The following CNTNAP2 variants were observed in gnomAD, a reference collection of about 807,000 sequenced individuals.
CNTNAP2 encodes the protein contactin-associated protein-like 2.
CNTNAP2 carries 98 observed loss-of-function variants against 155.2 expected under a neutral mutation model. The observed-to-expected ratio is 0.63, with a 90% confidence interval of 0.54 to 0.75. The LOEUF (loss-of-function observed/expected upper bound fraction) is 0.75. CNTNAP2 is among the 30% of genes least tolerant of loss of function. The probability of loss-of-function intolerance (pLI) is 0.00; values close to 1 mark genes in which losing one functional copy is unlikely to be tolerated. For synonymous variants in CNTNAP2, 651 were observed against 631.2 expected, an observed-to-expected ratio of 1.03 and a Z score of -0.47; for missense variants, 1,727 against 1,688.1, an observed-to-expected ratio of 1.02 and a Z score of -0.40.
intron 3 of CNTNAP2, among the ~76,000 whole-genome samples, chr7:146,854,268 G>C (rs1794934319): frequency 6.6e-6 from 1 of 152,234 alleles, no homozygotes; most frequent in Non-Finnish European, 1.5e-5. Context: ...ATGGCTAGAA[G>C]AGGATACAAA....
Position 146,578,536 on chromosome 7 carries a change from G to T in CNTNAP2, c.98-195735G>T, listed in dbSNP as rs147466608. Among the ~76,000 whole-genome samples, 721 of 152,044 alleles carry T rather than the reference G, an allele frequency of 4.7e-3. 2 individuals carry two copies. The highest frequency in any genetic ancestry group is 7.8e-3 in the Non-Finnish European group (527 of 67,952). ...TAGATTGTGCTATTTTGAAAAGAAG[G>T]GATTCCGTAAGAGGTTACAGTACAT... On this transcript the variant is annotated intron_variant, in intron 1 of 23. Coordinates refer to ENST00000361727, the MANE Select transcript of CNTNAP2 (RefSeq NM_014141.6).
chr7:147,199,203 G>T (rs1379134743), intron 8 of CNTNAP2, among the ~76,000 whole-genome samples: 1 of 151,636 alleles, frequency 6.6e-6, no homozygotes, highest in Non-Finnish European at 1.5e-5. Flanking sequence ...CTCAGGTAAT[G>T]CACCCGCCTT....
At chr7:146,759,828 A>G (rs1259163505) in intron 1 of CNTNAP2, among the ~76,000 whole-genome samples, 2 of 152,142 alleles carry the variant, frequency 1.3e-5, no homozygotes, top group African/African-American at 2.4e-5. Context: ...AAAGGTTCGC[A>G]GTTACCATAA....
intron 3 of CNTNAP2, among the ~76,000 whole-genome samples, chr7:146,982,522 C>T (rs1404335731): frequency 1.3e-5 from 2 of 152,052 alleles, no homozygotes; most frequent in East Asian, 1.9e-4. Context: ...AATTAGTAGC[C>T]GCCAGATGGA....
At chr7:146,820,187 T>A (rs1208424464) in intron 2 of CNTNAP2, among the ~76,000 whole-genome samples, 4 of 152,140 alleles carry the variant, frequency 2.6e-5, no homozygotes, top group Non-Finnish European at 4.4e-5. Context: ...AGTTTTATGT[T>A]TTTTCAGAGT....
chr7:147,644,328 A>T (rs1795330788), intron 13 of CNTNAP2, among the ~76,000 whole-genome samples: 1 of 152,200 alleles, frequency 6.6e-6, no homozygotes, highest in South Asian at 2.1e-4. Flanking sequence ...GTACCATAAG[A>T]ACTTGAATTT....
chr7:147,759,274 C>T (rs1287512485), intron 13 of CNTNAP2, among the ~76,000 whole-genome samples: 1 of 152,100 alleles, frequency 6.6e-6, no homozygotes, highest in Non-Finnish European at 1.5e-5. Flanking sequence ...ATTTCTGCAG[C>T]CTGTTTCTCC....
intron 13 of CNTNAP2, among the ~76,000 whole-genome samples, chr7:147,817,328 A>C (rs1417498531): frequency 6.6e-6 from 1 of 152,254 alleles, no homozygotes. Context: ...TGCACTAGAC[A>C]TGATTCCAAG....
At chr7:146,289,050 C>T (rs948225485) in intron 1 of CNTNAP2, among the ~76,000 whole-genome samples, 3 of 144,774 alleles carry the variant, frequency 2.1e-5, no homozygotes, top group African/African-American at 8.7e-5. Context: ...GTGGTCTGCC[C>T]GCCTTGGCTT....
chr7:146,971,380 A>G (rs749301930), intron 3 of CNTNAP2, among the ~76,000 whole-genome samples: 5 of 152,140 alleles, frequency 3.3e-5, no homozygotes, highest in Admixed American at 1.3e-4. Flanking sequence ...GGAAAAAATA[A>G]AAAGGCACTA....
At chr7:146,890,577 G>T (rs1373379596) in intron 3 of CNTNAP2, among the ~76,000 whole-genome samples, 1 of 152,044 alleles carries the variant, frequency 6.6e-6, no homozygotes, top group Non-Finnish European at 1.5e-5. Context: ...TTCCACTTTT[G>T]CTAATCAAGC....
chr7:147,838,262 C>CTT (rs1798665063), intron 13 of CNTNAP2, among the ~76,000 whole-genome samples: 1 of 152,140 alleles, frequency 6.6e-6, no homozygotes, highest in African/African-American at 2.4e-5. Context: ...GGCCTCTGGG[C>CTT]CTGTGATGGG....
intron 1 of CNTNAP2, among the ~76,000 whole-genome samples, chr7:146,459,550 G>T (rs1171229027): frequency 6.6e-6 from 1 of 152,146 alleles, no homozygotes; most frequent in African/African-American, 2.4e-5. Flanking sequence ...CCTATAAAGT[G>T]CATGGAGTGT....
intron 11 of CNTNAP2, among the ~76,000 whole-genome samples, chr7:147,511,766 C>G (rs531417400): frequency 2.6e-5 from 4 of 152,138 alleles, no homozygotes; most frequent in South Asian, 4.2e-4. Flanking sequence ...TCAGACAAAC[C>G]ACTATAGTAG....
chr7:148,050,281 C>T (rs565581053), intron 15 of CNTNAP2, among the ~76,000 whole-genome samples: 2 of 152,246 alleles, frequency 1.3e-5, no homozygotes, highest in Admixed American at 6.5e-5. Flanking sequence ...CTGAAGACCT[C>T]GCAGTAGGAC....
chr7:147,471,225 T>A (rs571474160), intron 10 of CNTNAP2, among the ~76,000 whole-genome samples: 11 of 152,212 alleles, frequency 7.2e-5, no homozygotes, highest in Non-Finnish European at 1.3e-4. Flanking sequence ...AGCATCACCT[T>A]GCACTCTTGC....
intron 13 of CNTNAP2, among the ~76,000 whole-genome samples, chr7:147,663,923 A>C (rs1795655732): frequency 6.6e-6 from 1 of 152,214 alleles, no homozygotes; most frequent in Non-Finnish European, 1.5e-5. Flanking sequence ...AATTCTTTGT[A>C]CCAACATTTG....
intron 1 of CNTNAP2, among the ~76,000 whole-genome samples, chr7:146,374,142 C>T (rs957200333): frequency 9.9e-5 from 15 of 151,334 alleles, no homozygotes; most frequent in East Asian, 1.9e-4. Context: ...TTTTTGTTTA[C>T]GTTTTTAATC....
chr7:147,100,709 C>A (rs997022956), intron 4 of CNTNAP2, among the ~76,000 whole-genome samples: 4 of 152,186 alleles, frequency 2.6e-5, no homozygotes, highest in Admixed American at 2.0e-4. Flanking sequence ...TGCACGGTCA[C>A]AGGCATAGTT....
Sources: gnomAD v4.1 joint callset for allele counts (sites outside exome capture counted in the v4.1 genomes callset) on GRCh38, gnomAD v4.1.1 for gene constraint, MANE v1.5 for transcripts, NCBI Gene and HGNC (gene_info 2026-07-23, HGNC 2026-07-21) for gene names.